Variants in NIT1 observed in about 807,000 individuals in gnomAD.
NIT1 encodes deaminated glutathione amidase.
In NIT1, 30 loss-of-function variants were observed where a neutral mutation model predicts 36.8. The observed-to-expected ratio is 0.82, with a 90% CI of 0.61 to 1.11. NIT1 has a LOEUF of 1.11. Ranked by LOEUF, NIT1 falls within the 50% of genes least tolerant of loss-of-function variation. NIT1 has a pLI of 0.00. For synonymous variants in NIT1, 151 were observed against 155.6 expected (o/e 0.97, Z 0.22); for missense variants, 438 against 410.6 (o/e 1.07, Z -0.58).
rs374488499 is a variant in NIT1, at chr1:161,119,420, T to A, written c.353+32T>A. Reference sequence around the variant, plus strand: ...GGGAAATAGCGAGGGAGAGGTAGAATCTTTGTTGGACAGTGTCCCTGGGTT... The same window carrying A: ...GGGAAATAGCGAGGGAGAGGTAGAAACTTTGTTGGACAGTGTCCCTGGGTT... On this transcript the variant is annotated intron_variant, in intron 3 of 6. Coordinates refer to ENST00000368009, the MANE Select transcript of NIT1 (RefSeq NM_005600.3). 16 of 1,612,962 alleles carry A rather than the reference T, an allele frequency of 9.9e-6. No homozygotes were observed. In the African/African-American group the frequency reaches 2.1e-4, roughly 22 times the overall value.
Position 161,118,113 on chromosome 1 carries a change from C to T in NIT1, c.-64C>T. 6.2e-7 allele frequency: 1 copy of T among 1,613,200 alleles called. No homozygotes were observed. On this transcript the variant is annotated 5_prime_UTR_variant, in exon 1 of 7. Transcript: ENST00000368009. ...CCTGCGAGTTACCGCCCACTCGCTG[C>T]GGCGCTTCTGGCTCCAGACCGCCCT...
At position 161,118,901 on chromosome 1, in the gene NIT1, C is replaced by T. The variant is rs781347632; in HGVS notation, c.98+20C>T. 4 of 1,568,210 alleles carry T rather than the reference C, an allele frequency of 2.6e-6. No individual in the cohort carries two copies. In the African/African-American group the frequency reaches 4.1e-5, roughly 16 times the overall value. ...GCCCAGGTAACACGTTTTGTTGTGT[C>T]CTCAGTGCCTGGCACTTAGATGCTC... On this transcript the variant is annotated intron_variant, in intron 2 of 6. Transcript: ENST00000368009.
downstream of NIT1, chr1:161,121,928 G>A (rs539808616): frequency 1.1e-5 from 6 of 564,740 alleles, no homozygotes; most frequent in South Asian, 2.4e-5. Context: ...GACACATTAC[G>A]GGGTAAATGG....
downstream of NIT1, chr1:161,124,394 C>G: frequency 1.9e-6 from 3 of 1,613,982 alleles, no homozygotes; most frequent in Non-Finnish European, 1.7e-6. Flanking sequence ...GCAGGCTGTA[C>G]AGCCCATGTT....
chr1:161,119,697 T>A, intron 4 of NIT1, 85 bp downstream of exon 4: 1 of 1,587,432 alleles, frequency 6.3e-7, no homozygotes, highest in East Asian at 2.2e-5. Context: ...TCTTATTTCC[T>A]TGACCCAAGG....
At chr1:161,119,759 G>C in intron 4 of NIT1, 60 bp from the exon 5 acceptor site, 1 of 1,572,628 alleles carries the variant, frequency 6.4e-7, no homozygotes, top group Non-Finnish European at 8.6e-7. Context: ...TCTCCTCCTT[G>C]GGAGGAGTAA....
chr1:161,122,351 A>C, downstream of NIT1: 1 of 1,614,252 alleles, frequency 6.2e-7, no homozygotes, highest in Non-Finnish European at 8.5e-7. The surrounding 1 kb of genome is among the most constrained non-coding windows in gnomAD (Gnocchi z 4.2). Flanking sequence ...AGGTGAGCTC[A>C]GAGAACTTGA....
At chr1:161,118,248 G>C in intron 1 of NIT1, 70 bp downstream of exon 1, 1 of 1,613,456 alleles carries the variant, frequency 6.2e-7, no homozygotes. Context: ...GTGTAACAGA[G>C]ATGCTGCCTC....
In NIT1 at chr1:161,120,936, A is replaced by T; in HGVS notation, c.*171A>T. 2 of 1,427,310 alleles carry T rather than the reference A, an allele frequency of 1.4e-6. No individual in the cohort carries two copies. Among genetic ancestry groups the T allele is most frequent in the Non-Finnish European group, 9.1e-7 (1 of 1,094,794 alleles). The allele number at this position is 1,427,310 out of a possible 1,614,324, so 88.4% of individuals were successfully genotyped here. A position where few individuals can be genotyped will look rare whatever the true frequency, so the allele number is the denominator to read the frequency against. ...TGCTTGGGAAAGAAACTTTCACCTG[A>T]GCTTCACCTGAGGTCAGACTGCAGT... On this transcript the variant is annotated 3_prime_UTR_variant, in exon 7 of 7. Transcript: ENST00000368009.
downstream of NIT1, chr1:161,122,044 C>T: frequency 2.3e-6 from 3 of 1,286,872 alleles, no homozygotes; most frequent in Non-Finnish European, 3.1e-6. The surrounding 1 kb of genome is among the most constrained non-coding windows in gnomAD (Gnocchi z 4.2). Context: ...AAAAAAAAGG[C>T]AGGGGTGTGA....
At chr1:161,120,354 C>T in intron 6 of NIT1, 122 bp downstream of exon 6, 2 of 1,462,458 alleles carry the variant, frequency 1.4e-6, no homozygotes, top group South Asian at 1.3e-5. Context: ...CCAGATATTT[C>T]TCTCATGAAT....
At chr1:161,123,992 T>G (rs1655867938), downstream of NIT1, 3 of 1,602,844 alleles carry the variant, frequency 1.9e-6, no homozygotes, top group Non-Finnish European at 2.6e-6. Flanking sequence ...CACCCTTCCC[T>G]TCTGTCAGTC....
Position 161,120,849 on chromosome 1 carries a change from G to T in NIT1, c.*84G>T. ...TAGTGCTCATGTGACTTGGAGGCAGGATCCAGGCACAGCTCCCCTCACTTG... is the reference window on the plus strand; with the variant it reads ...TAGTGCTCATGTGACTTGGAGGCAGTATCCAGGCACAGCTCCCCTCACTTG... On this transcript the variant is annotated 3_prime_UTR_variant, in exon 7 of 7. Transcript: ENST00000368009. The T allele has an allele frequency of 6.5e-7, 1 of 1,532,500 alleles. No homozygotes were observed. The highest frequency in any genetic ancestry group is 8.7e-7 in the Non-Finnish European group (1 of 1,143,222). 94.9% of individuals were successfully genotyped at this position (1,532,500 alleles called of 1,614,324 possible). A position where few individuals can be genotyped will look rare whatever the true frequency, so the allele number is the denominator to read the frequency against.
Position 161,120,095 on chromosome 1 carries a change from T to C in NIT1, c.592-12T>C. 6.2e-7 allele frequency: 1 copy of C among 1,614,090 alleles called. No individual in the cohort carries two copies. The highest frequency in any genetic ancestry group is 8.5e-7 in the Non-Finnish European group (1 of 1,179,970). On this transcript the variant is annotated splice_polypyrimidine_tract_variant and intron_variant, in intron 5 of 6. Coordinates refer to ENST00000368009, the MANE Select transcript of NIT1 (RefSeq NM_005600.3). ...GCAGGAAGACTACTAAGTAGGCTGT[T>C]TTTCATTCCAGATTGGTCTAGCTGT...
chr1:161,121,020 T>C lies in NIT1; in HGVS notation c.*255T>C. On this transcript the variant is annotated 3_prime_UTR_variant, in exon 7 of 7. Transcript: ENST00000368009. Reference sequence around the variant, plus strand: ...TATTTCATGGAAACTGAAGTTCTGCTGAGGGCTGAGCAGCACTGGCATTGA... The same window carrying C: ...TATTTCATGGAAACTGAAGTTCTGCCGAGGGCTGAGCAGCACTGGCATTGA... The C allele has an allele frequency of 7.3e-7, 1 of 1,371,414 alleles. No individual in the cohort carries two copies. The highest frequency in any genetic ancestry group is 9.4e-7 in the Non-Finnish European group (1 of 1,061,666). The allele number at this position is 1,371,414 out of a possible 1,614,324, so 85.0% of individuals were successfully genotyped here. A position where few individuals can be genotyped will look rare whatever the true frequency, so the allele number is the denominator to read the frequency against.
downstream of NIT1, chr1:161,124,292 C>T (rs933289412): frequency 6.8e-6 from 11 of 1,614,130 alleles, no homozygotes; most frequent in African/African-American, 1.3e-4. Flanking sequence ...TGAGTCCACG[C>T]TCGTGGTCAT....
At position 161,121,035 on chromosome 1, in the gene NIT1, A is replaced by C; in HGVS notation, c.*270A>C. Reference sequence around the variant, plus strand: ...GAAGTTCTGCTGAGGGCTGAGCAGCACTGGCATTGAAAAATATAATAATCA... The same window carrying C: ...GAAGTTCTGCTGAGGGCTGAGCAGCCCTGGCATTGAAAAATATAATAATCA... On this transcript the variant is annotated 3_prime_UTR_variant, in exon 7 of 7. Coordinates refer to ENST00000368009, the MANE Select transcript of NIT1 (RefSeq NM_005600.3). 2 of 1,323,590 alleles carry C rather than the reference A, an allele frequency of 1.5e-6. No individual in the cohort carries two copies. Among genetic ancestry groups the C allele is most frequent in the Non-Finnish European group, 1.9e-6 (2 of 1,033,986 alleles). 82.0% of individuals were successfully genotyped at this position (1,323,590 alleles called of 1,614,324 possible). A position where few individuals can be genotyped will look rare whatever the true frequency, so the allele number is the denominator to read the frequency against.
chr1:161,119,386 C>T lies in NIT1; in HGVS notation c.351C>T (p.Ala117=), dbSNP rs1313485624. The T allele has an allele frequency of 6.2e-7, 1 of 1,613,694 alleles. No individual in the cohort carries two copies. ...GKLLEEYTQL[A]RECGLWLSLG... is the part of the protein sequence containing the mutation. The stretch of plus-strand genomic sequence containing the variant: ...TTTTGGAAGAATACACCCAGCTTGC[C>T]AGGTATCAGGGAAATAGCGAGGGAG... The change falls in exon 3 of 7, where the codon GCC becomes GCT. Residue 117 remains alanine, a splice_region_variant and synonymous_variant. Coordinates refer to ENST00000368009, the MANE Select transcript of NIT1 (RefSeq NM_005600.3).
At position 161,118,108 on chromosome 1, in the gene NIT1, C is replaced by G. The variant is rs776914738; in HGVS notation, c.-69C>G. Reference sequence around the variant, plus strand: ...TCCGGCCTGCGAGTTACCGCCCACTCGCTGCGGCGCTTCTGGCTCCAGACC... The same window carrying G: ...TCCGGCCTGCGAGTTACCGCCCACTGGCTGCGGCGCTTCTGGCTCCAGACC... On this transcript the variant is annotated 5_prime_UTR_variant, in exon 1 of 7. Transcript: ENST00000368009. The G allele has an allele frequency of 3.8e-5, 62 of 1,613,040 alleles. No homozygotes were observed. The East Asian group carries it at 6.2e-4, about 16-fold the overall frequency.
Sources: allele counts gnomAD v4.1 joint callset, GRCh38; gene constraint gnomAD v4.1.1; non-coding constraint Gnocchi (gnomAD v3.1); transcripts MANE v1.5; gene names NCBI Gene and HGNC (gene_info 2026-07-23, HGNC 2026-07-21).